ZNF207: variants seen among roughly 807,000 people sequenced by gnomAD.
ZNF207 encodes BUB3-interacting and GLEBS motif-containing protein ZNF207.
A neutral mutation model predicts 60.2 loss-of-function variants in ZNF207; 24 were observed. The observed-to-expected ratio is 0.40, with a 90% confidence interval of 0.29 to 0.56. The LOEUF is 0.56. Ranked by LOEUF, ZNF207 falls within the 20% of genes least tolerant of loss-of-function variation. ZNF207 has a pLI of 0.49. For missense variants in ZNF207, 452 were observed against 636.6 expected, an observed-to-expected ratio of 0.71 and a Z score of 3.12; for synonymous variants, 236 against 194.7, an observed-to-expected ratio of 1.21 and a Z score of -1.77.
intron 2 of ZNF207, among the ~76,000 whole-genome samples, chr17:32,357,608 A>T (rs111545046): frequency 2.6e-5 from 4 of 151,284 alleles, no homozygotes; most frequent in Non-Finnish European, 4.4e-5. Context: ...CGGCCTCCCA[A>T]AGTGCTGGGA....
intron 3 of ZNF207, among the ~76,000 whole-genome samples, chr17:32,359,138 A>C (rs906561953): frequency 2.7e-5 from 4 of 148,964 alleles, no homozygotes; most frequent in Non-Finnish European, 5.9e-5. Context: ...TTTGAGATGG[A>C]GTCTCACTCT....
At chr17:32,368,150 T>C in intron 10 of ZNF207, 136 bp downstream of exon 10, 1 of 1,260,758 alleles carries the variant, frequency 7.9e-7, no homozygotes, top group Non-Finnish European at 1.1e-6. Context: ...GTTTTTGCCA[T>C]TCTGATTCTT....
chr17:32,367,543 A>G (rs1357097361), intron 9 of ZNF207, among the ~76,000 whole-genome samples: 1 of 151,982 alleles, frequency 6.6e-6, no homozygotes, highest in Non-Finnish European at 1.5e-5. Context: ...TTAAATATGC[A>G]GTCTTATTTC....
In ZNF207 at chr17:32,356,209, CTT is replaced by C. The variant is rs1341482761; in HGVS notation, c.169-2292_169-2291del. Among the ~76,000 whole-genome samples, 10 of 152,184 alleles carry C rather than the reference CTT, an allele frequency of 6.6e-5. No individual in the cohort carries two copies. The South Asian group carries it at 2.1e-3, about 32-fold the overall frequency. On this transcript the variant is annotated intron_variant, in intron 2 of 11. Transcript: ENST00000394670. ...TGTCTTTTCAACCAAGACGCTATGA[CTT>C]TGCTTGGCAGGGTCCCAAGAAATCT...
chr17:32,369,365 A>G lies in ZNF207; in HGVS notation c.1235A>G (p.Asn412Ser), dbSNP rs767835972. The G allele has an allele frequency of 1.2e-6, 2 of 1,614,112 alleles. No homozygotes were observed. The highest frequency in any genetic ancestry group is 1.7e-6 in the Non-Finnish European group (2 of 1,180,036). ...CGGCCAGGACAGGCCCCCATCGGTAATCCACCAGTTGGACCAATTGGAGGT... is the reference window on the plus strand; with the variant it reads ...CGGCCAGGACAGGCCCCCATCGGTAGTCCACCAGTTGGACCAATTGGAGGT... ...LPRPGQAPIG[N>S]PPVGPIGGMM... The change falls in exon 11 of 12, where the codon AAT becomes AGT. Residue 412 changes from asparagine (N) to serine (S), a missense_variant. Coordinates refer to ENST00000394670, the MANE Select transcript of ZNF207 (RefSeq NM_001098507.2).
At chr17:32,358,704 CAG>C (rs1904686725) in intron 3 of ZNF207, 63 bp downstream of exon 3, 4 of 1,196,482 alleles carry the variant, frequency 3.3e-6, no homozygotes, top group Admixed American at 3.9e-5. Flanking sequence ...TTTTTTGAGA[CAG>C]AGGCTTACTC....
chr17:32,357,008 T>TA (rs1322736140), intron 2 of ZNF207, among the ~76,000 whole-genome samples: 1 of 151,946 alleles, frequency 6.6e-6, no homozygotes, highest in African/African-American at 2.4e-5. Flanking sequence ...ATAACAAAAC[T>TA]ACCTCGCCAC....
intron 7 of ZNF207, among the ~76,000 whole-genome samples, chr17:32,365,055 A>G (rs1905098589): frequency 6.6e-6 from 1 of 152,220 alleles, no homozygotes; most frequent in African/African-American, 2.4e-5. Context: ...TATTGCAAGA[A>G]GTTTGCTAAA....
At chr17:32,361,107 G>A (rs1399746174) in intron 5 of ZNF207, 140 bp downstream of exon 5, 4 of 858,536 alleles carry the variant, frequency 4.7e-6, no homozygotes, top group Non-Finnish European at 7.1e-6. Flanking sequence ...TCTAATAAAG[G>A]GATCAACCAG....
rs777506652 is a variant in ZNF207 at position 32,369,807 on chromosome 17, A to G, written c.*48A>G. On this transcript the variant is annotated 3_prime_UTR_variant, in exon 12 of 12. Coordinates refer to ENST00000394670, the MANE Select transcript of ZNF207 (RefSeq NM_001098507.2). ...GGTTTGGAGATTAAACCTTTTCTCA[A>G]CTTGTGCTGTTTATATAGCCAAGCT... 41 of 1,396,408 alleles carry G rather than the reference A, an allele frequency of 2.9e-5. No homozygotes were observed. The highest frequency in any genetic ancestry group is 3.7e-5 in the Non-Finnish European group (40 of 1,068,250). The allele number at this position is 1,396,408 out of a possible 1,614,324, so 86.5% of individuals were successfully genotyped here.
At chr17:32,353,857 T>C (rs1904338179) in intron 2 of ZNF207, among the ~76,000 whole-genome samples, 2 of 151,422 alleles carry the variant, frequency 1.3e-5, no homozygotes, top group East Asian at 3.9e-4. Flanking sequence ...ACCTACTACA[T>C]GTTAGACTCA....
chr17:32,364,994 A>G (rs1249340814), intron 7 of ZNF207, among the ~76,000 whole-genome samples: 2 of 152,226 alleles, frequency 1.3e-5, no homozygotes, highest in African/African-American at 4.8e-5. Context: ...ACTAGGGTTC[A>G]GGGAGTATTT....
Position 32,352,299 on chromosome 17 carries a change from C to T in ZNF207, c.168+387C>T, listed in dbSNP as rs189783860. Among the ~76,000 whole-genome samples the T allele has an allele frequency of 3.1e-4, 47 of 152,056 alleles. 1 individual carries two copies. The East Asian group carries it at 8.1e-3, about 26-fold the overall frequency. The stretch of plus-strand genomic sequence containing the variant: ...GAATAATCATTTATTTCTCTGACAA[C>T]TGTAGTTTTGTTTTTTTTTTGTTCA... On this transcript the variant is annotated intron_variant, in intron 2 of 11. Coordinates refer to ENST00000394670, the MANE Select transcript of ZNF207 (RefSeq NM_001098507.2).
intron 2 of ZNF207, 75 bp from the exon 3 acceptor site, chr17:32,358,428 A>G (rs1450257447): frequency 1.3e-5 from 18 of 1,413,328 alleles, no homozygotes; most frequent in Non-Finnish European, 1.5e-5. Flanking sequence ...TTTATTCTTT[A>G]TACTAAGCAG....
intron 2 of ZNF207, among the ~76,000 whole-genome samples, chr17:32,355,917 C>T (rs894616622): frequency 2.0e-5 from 3 of 152,088 alleles, no homozygotes; most frequent in African/African-American, 4.8e-5. Context: ...AGTGTGATTA[C>T]GGTGCTTTGA....
In ZNF207 at chr17:32,369,710, C is replaced by T. The variant is rs1365740330; in HGVS notation, c.1436C>T (p.Pro479Leu). ...CCTTACCAGGGTGGGCCTCCTCGAC[C>T]TCCGATGGGAATGAGACCTCCTGTA... ...VPPYQGGPPR[P>L]PMGMRPPVMS... is the part of the protein sequence containing the mutation. The change falls in exon 12 of 12, where the codon CCT becomes CTT. Residue 479 changes from proline to leucine, a missense_variant. Pro to Leu is a moderately conservative substitution (Grantham distance 98). This residue lies in a region of ZNF207 where 390 missense variants were observed against 461.4 expected (regional missense o/e 0.85). Transcript: ENST00000394670. 1 of 1,591,760 alleles carries T rather than the reference C, an allele frequency of 6.3e-7. No individual in the cohort carries two copies. Among genetic ancestry groups the T allele is most frequent in the Non-Finnish European group, 8.5e-7 (1 of 1,170,132 alleles).
intron 7 of ZNF207, 69 bp from the exon 8 acceptor site, chr17:32,365,261 T>G (rs893567362): frequency 3.9e-5 from 59 of 1,525,116 alleles, no homozygotes; most frequent in Non-Finnish European, 5.2e-5. Flanking sequence ...AACTTTGTAG[T>G]ATAGAAGCGT....
chr17:32,355,396 G>C (rs918450124), intron 2 of ZNF207, among the ~76,000 whole-genome samples: 2 of 152,120 alleles, frequency 1.3e-5, no homozygotes, highest in African/African-American at 4.8e-5. Context: ...TCTCAAAAAT[G>C]TTTATTTTGA....
rs1278814672 is a variant in ZNF207 at position 32,381,440 on chromosome 17, T to C, written c.*11681T>C. 6.6e-6 allele frequency: 1 copy of C among 152,242 alleles called. No homozygotes were observed. Among genetic ancestry groups the C allele is most frequent in the Non-Finnish European group, 1.5e-5 (1 of 68,034 alleles). 9.4% of individuals were successfully genotyped at this position (152,242 alleles called of 1,614,324 possible). ...AATTTAAAGTTCTCACGAATATTAG[T>C]GCATCTTGTCACTTTGATTTGTCAC... On this transcript the variant is annotated 3_prime_UTR_variant, in exon 12 of 12. Transcript: ENST00000394670.
Sources: gnomAD v4.1 joint callset for allele counts (sites outside exome capture counted in the v4.1 genomes callset) on GRCh38, gnomAD v4.1.1 for gene constraint, gnomAD v4.1.1 regional missense constraint, MANE v1.5 for transcripts, NCBI Gene and HGNC (gene_info 2026-07-23, HGNC 2026-07-21) for gene names.